CSMD1: variants seen among roughly 807,000 people sequenced by gnomAD.
CSMD1 encodes the protein CUB and sushi domain-containing protein 1.
CSMD1 carries 213 observed loss-of-function variants against 417.5 expected under a neutral mutation model. The ratio of observed to expected loss-of-function variants is 0.51; its 90% confidence interval spans 0.46 to 0.57. The LOEUF (loss-of-function observed/expected upper bound fraction) is 0.57, where lower values mean the gene tolerates loss of function less well. Ranked by LOEUF, CSMD1 falls within the 20% of genes least tolerant of loss-of-function variation. The pLI is 0.00. For synonymous variants in CSMD1, 2,862 were observed against 1,736.8 expected, an observed-to-expected ratio of 1.65 and a Z score of -16.11; for missense variants, 6,923 against 4,529.7, an observed-to-expected ratio of 1.53 and a Z score of -15.17.
At chr8:4,581,711 A>C (rs1799427208) in intron 2 of CSMD1, among the ~76,000 whole-genome samples, 1 of 152,184 alleles carries the variant, frequency 6.6e-6, no homozygotes, top group Non-Finnish European at 1.5e-5. Context: ...GTCGGTTTTA[A>C]CAGCTTCCAG....
intron 11 of CSMD1, among the ~76,000 whole-genome samples, chr8:3,480,227 T>G (rs1171892633): frequency 6.6e-6 from 1 of 152,114 alleles, no homozygotes; most frequent in African/African-American, 2.4e-5. Context: ...CTGGGTGTGG[T>G]GGCACACACC....
intron 10 of CSMD1, among the ~76,000 whole-genome samples, chr8:3,525,513 C>G (rs557565861): frequency 1.3e-5 from 2 of 152,152 alleles, no homozygotes; most frequent in Admixed American, 1.3e-4. Context: ...AGTACCCTGA[C>G]ACTGATTTTA....
chr8:4,440,794 G>T (rs890589234), intron 2 of CSMD1, among the ~76,000 whole-genome samples: 1 of 151,828 alleles, frequency 6.6e-6, no homozygotes, highest in Non-Finnish European at 1.5e-5. Context: ...TCAGCAGTTC[G>T]GGACCAGCCT....
At chr8:3,576,363 T>G (rs1318746167) in intron 9 of CSMD1, among the ~76,000 whole-genome samples, 5 of 120,082 alleles carry the variant, frequency 4.2e-5, no homozygotes, top group Non-Finnish European at 7.6e-5. Context: ...ACTGTTCATC[T>G]GAGATCTCTC....
chr8:4,813,610 C>T (rs1385495963), intron 1 of CSMD1, among the ~76,000 whole-genome samples: 1 of 152,142 alleles, frequency 6.6e-6, no homozygotes, highest in Non-Finnish European at 1.5e-5. Context: ...AACATCTTTG[C>T]CATGTTTCTA....
intron 3 of CSMD1, among the ~76,000 whole-genome samples, chr8:4,334,440 C>G (rs1800046051): frequency 6.6e-6 from 1 of 152,106 alleles, no homozygotes; most frequent in Non-Finnish European, 1.5e-5. Context: ...GAGATTCTTT[C>G]TCAAGACTGC....
chr8:4,855,417 T>G lies in CSMD1; in HGVS notation c.85+138915A>C, dbSNP rs530890695. Among the ~76,000 whole-genome samples, 5 of 152,202 alleles carry G rather than the reference T, an allele frequency of 3.3e-5. No individual in the cohort carries two copies. The South Asian group carries it at 1.0e-3, about 32-fold the overall frequency. On this transcript the variant is annotated intron_variant, in intron 1 of 69. Transcript: ENST00000635120. ...CAACGGAACAAAGCTGGATGGAGAA[T>G]GACTTTGACGAGCTGAGAGAAGAAG...
intron 7 of CSMD1, among the ~76,000 whole-genome samples, chr8:3,686,518 G>A (rs1034172001): frequency 3.9e-5 from 6 of 152,164 alleles, no homozygotes; most frequent in East Asian, 3.8e-4. Flanking sequence ...ACAAGATCAT[G>A]TCATTCTGTT....
intron 26 of CSMD1, among the ~76,000 whole-genome samples, chr8:3,253,623 G>C (rs1216025591): frequency 1.3e-5 from 2 of 152,198 alleles, no homozygotes; most frequent in African/African-American, 4.8e-5. Flanking sequence ...AAAGTTGAGA[G>C]TGGGTTGTTA....
chr8:3,450,346 A>G (rs890248710), intron 12 of CSMD1, among the ~76,000 whole-genome samples: 1 of 151,902 alleles, frequency 6.6e-6, no homozygotes. Flanking sequence ...GTTTTAGGGT[A>G]CATGTTCACA....
At chr8:4,682,986 ATATATATAG>A (rs1806144172) in intron 1 of CSMD1, among the ~76,000 whole-genome samples, 1 of 110,842 alleles carries the variant, frequency 9.0e-6, no homozygotes, top group Non-Finnish European at 1.9e-5. Flanking sequence ...ATATATATAT[ATATATATAG>A]TCACACATAA....
intron 49 of CSMD1, among the ~76,000 whole-genome samples, chr8:3,073,579 T>C (rs68176918): frequency 0.13 from 19,946 of 151,024 alleles, 1,545 homozygotes; most frequent in Non-Finnish European, 0.18. Context: ...AATAAATCAA[T>C]TTTAACAGAA....
At chr8:3,932,080 G>A (rs1810190356) in intron 5 of CSMD1, among the ~76,000 whole-genome samples, 1 of 150,126 alleles carries the variant, frequency 6.7e-6, no homozygotes, top group South Asian at 2.2e-4. Flanking sequence ...CATATCTATT[G>A]GAATGACACA....
chr8:4,215,165 G>C (rs1800565822), intron 3 of CSMD1, among the ~76,000 whole-genome samples: 1 of 152,178 alleles, frequency 6.6e-6, no homozygotes, highest in Non-Finnish European at 1.5e-5. Flanking sequence ...CCAAACAGGG[G>C]CTGATAGGGA....
chr8:4,937,223 A>T (rs1807679025), intron 1 of CSMD1, among the ~76,000 whole-genome samples: 1 of 151,954 alleles, frequency 6.6e-6, no homozygotes, highest in South Asian at 2.1e-4. Context: ...AAAATAAATA[A>T]ATAAATAAAA....
chr8:3,202,486 G>A (rs1226969800), intron 31 of CSMD1, among the ~76,000 whole-genome samples: 3 of 152,156 alleles, frequency 2.0e-5, no homozygotes, highest in East Asian at 1.9e-4. Flanking sequence ...CATGCTTTGT[G>A]ACTTCAAATT....
intron 49 of CSMD1, among the ~76,000 whole-genome samples, chr8:3,061,121 G>T (rs541853718): frequency 6.6e-6 from 1 of 152,182 alleles, no homozygotes; most frequent in African/African-American, 2.4e-5. Context: ...CAAAGTCTGA[G>T]TTTGGTATTT....
At chr8:3,020,669 ACT>A (rs1411515305) in intron 51 of CSMD1, among the ~76,000 whole-genome samples, 14 of 151,814 alleles carry the variant, frequency 9.2e-5, no homozygotes, top group African/African-American at 3.1e-4. Context: ...AGCTGTCTTT[ACT>A]CCATGTTATG....
chr8:3,451,796 C>T lies in CSMD1; in HGVS notation c.1561+16916G>A, dbSNP rs187118680. ...TTGGCTTAGGATTGACTTGTCGATG[C>T]GGGCTCTTTTTTGGTTCCATATGAA... On this transcript the variant is annotated intron_variant, in intron 12 of 69. Coordinates refer to ENST00000635120, the MANE Select transcript of CSMD1 (RefSeq NM_033225.6). Among the ~76,000 whole-genome samples, 605 of 152,210 alleles carry T rather than the reference C, an allele frequency of 4.0e-3. 1 individual carries two copies. Among genetic ancestry groups the T allele is most frequent in the African/African-American group, 0.012 (503 of 41,536 alleles).
Sources: gnomAD v4.1 joint callset for allele counts (sites outside exome capture counted in the v4.1 genomes callset) on GRCh38, gnomAD v4.1.1 for gene constraint, MANE v1.5 for transcripts, NCBI Gene and HGNC (gene_info 2026-07-23, HGNC 2026-07-21) for gene names.